ACTR3C: variants seen among roughly 807,000 people sequenced by gnomAD.
ACTR3C encodes actin-related protein 3C.
Under a neutral mutation model 26.3 loss-of-function variants are expected in ACTR3C, and 18 were observed. The observed-to-expected ratio is 0.68, with a 90% CI of 0.47 to 1.01. ACTR3C has a LOEUF of 1.01. Ranked by LOEUF, ACTR3C falls within the 50% of genes least tolerant of loss-of-function variation. The pLI, the probability that ACTR3C is intolerant of heterozygous loss-of-function variation, is 0.00. For missense variants in ACTR3C, 184 were observed against 250.7 expected, an observed-to-expected ratio of 0.73 and a Z score of 1.80; for synonymous variants, 55 against 94.5, an observed-to-expected ratio of 0.58 and a Z score of 2.42.
chr7:150,020,007 G>A, the ACTR3C span, among the ~76,000 whole-genome samples: 1 of 152,080 alleles, frequency 6.6e-6, no homozygotes, highest in Non-Finnish European at 1.5e-5. Context: ...TATTGAATAT[G>A]GTGTCTATGG....
At chr7:150,112,905 C>T in the ACTR3C span, among the ~76,000 whole-genome samples, 2 of 152,154 alleles carry the variant, frequency 1.3e-5, no homozygotes, top group Non-Finnish European at 2.9e-5. Flanking sequence ...GGCGACAAAG[C>T]ACCCCATGTA....
chr7:150,185,333 C>T, the ACTR3C span, among the ~76,000 whole-genome samples: 8 of 142,066 alleles, frequency 5.6e-5, no homozygotes, highest in Admixed American at 2.1e-4. Flanking sequence ...ATTCTCTGGG[C>T]GAAAGGGCCA....
At chr7:149,995,719 A>G in the ACTR3C span, among the ~76,000 whole-genome samples, 2 of 152,212 alleles carry the variant, frequency 1.3e-5, no homozygotes, top group Non-Finnish European at 2.9e-5. Context: ...AGATACAAAG[A>G]CCTGGAGACA....
At chr7:149,896,593 C>A in the ACTR3C span, among the ~76,000 whole-genome samples, 7 of 151,630 alleles carry the variant, frequency 4.6e-5, 1 homozygote, top group African/African-American at 1.7e-4. Context: ...ATATGTTTAT[C>A]CAGCAATTCC....
the ACTR3C span, among the ~76,000 whole-genome samples, chr7:149,937,947 G>A: frequency 6.6e-5 from 10 of 152,236 alleles, no homozygotes; most frequent in South Asian, 2.1e-3. Flanking sequence ...GTCCCAGCGG[G>A]GAATGGGAGG....
intron 6 of ACTR3C, among the ~76,000 whole-genome samples, chr7:150,258,546 C>T (rs1225225689): frequency 6.6e-6 from 1 of 152,176 alleles, no homozygotes; most frequent in Non-Finnish European, 1.5e-5. Flanking sequence ...AAGGTCATTT[C>T]TACAATCTCC....
chr7:150,205,098 C>T, the ACTR3C span, among the ~76,000 whole-genome samples: 1 of 151,980 alleles, frequency 6.6e-6, no homozygotes, highest in Non-Finnish European at 1.5e-5. Context: ...ATTTGTGATG[C>T]GAAAGAGCCA....
chr7:150,133,479 T>C, the ACTR3C span, among the ~76,000 whole-genome samples: 1 of 152,118 alleles, frequency 6.6e-6, no homozygotes, highest in Admixed American at 6.5e-5. Flanking sequence ...TGCAAGGCCA[T>C]CTCCTTCAGA....
chr7:150,148,416 G>T, the ACTR3C span, among the ~76,000 whole-genome samples: 1 of 152,126 alleles, frequency 6.6e-6, no homozygotes, highest in Admixed American at 6.5e-5. Flanking sequence ...GGCAGAGGTT[G>T]CAGTGAGCTG....
intron 3 of ACTR3C, among the ~76,000 whole-genome samples, chr7:150,290,337 G>A (rs527785393): frequency 6.6e-6 from 1 of 152,328 alleles, no homozygotes; most frequent in South Asian, 2.1e-4. Flanking sequence ...CCACAGCAAT[G>A]ATGGGCCCAA....
the ACTR3C span, among the ~76,000 whole-genome samples, chr7:150,068,458 T>C: frequency 6.6e-6 from 1 of 152,222 alleles, no homozygotes; most frequent in African/African-American, 2.4e-5. Flanking sequence ...TCAAATCAGA[T>C]ATCCAATTTT....
the ACTR3C span, among the ~76,000 whole-genome samples, chr7:150,035,734 T>C: frequency 1.4e-5 from 2 of 138,288 alleles, 1 homozygote; most frequent in African/African-American, 5.3e-5. Flanking sequence ...GGTCTGGCTC[T>C]CAGTCCCCGC....
At chr7:149,896,826 G>A in the ACTR3C span, among the ~76,000 whole-genome samples, 1 of 151,856 alleles carries the variant, frequency 6.6e-6, no homozygotes, top group Non-Finnish European at 1.5e-5. Flanking sequence ...TTAGGAGGTC[G>A]AGGCGGGTAG....
intron 6 of ACTR3C, among the ~76,000 whole-genome samples, chr7:150,265,710 A>C (rs1833988092): frequency 6.6e-6 from 1 of 152,128 alleles, no homozygotes; most frequent in Non-Finnish European, 1.5e-5. Context: ...ATAATTTTTT[A>C]ATTTAGAAAG....
At chr7:150,179,126 A>G in the ACTR3C span, among the ~76,000 whole-genome samples, 1 of 145,672 alleles carries the variant, frequency 6.9e-6, no homozygotes, top group African/African-American at 2.8e-5. Context: ...CATTGACTAT[A>G]TTGAGGTTTT....
At chr7:150,123,872 C>T in the ACTR3C span, among the ~76,000 whole-genome samples, 5 of 152,146 alleles carry the variant, frequency 3.3e-5, no homozygotes, top group African/African-American at 9.7e-5. Context: ...TGGCTCACCC[C>T]GACCCTGAGG....
At chr7:149,911,923 C>A in the ACTR3C span, among the ~76,000 whole-genome samples, 2 of 151,354 alleles carry the variant, frequency 1.3e-5, no homozygotes, top group Non-Finnish European at 2.9e-5. Context: ...GGCAAGAGGA[C>A]CCGTTAAGCC....
the ACTR3C span, among the ~76,000 whole-genome samples, chr7:149,886,081 C>T: frequency 0.63 from 95,867 of 152,158 alleles, 30,796 homozygotes; most frequent in African/African-American, 0.75. Flanking sequence ...CTAAAGTGCT[C>T]AACTGGTCGA....
At position 150,284,776 on chromosome 7, in the gene ACTR3C, C is replaced by T. The variant is rs369988101; in HGVS notation, c.541G>A (p.Asp181Asn). 15 of 1,612,854 alleles carry T rather than the reference C, an allele frequency of 9.3e-6. No homozygotes were observed. In the African/African-American group the frequency reaches 1.6e-4, roughly 17 times the overall value. Reference protein sequence around the residue: ...VDEVIQNCPIDVRRPLYKMEQ... With the variant: ...VDEVIQNCPINVRRPLYKMEQ... ...ACCTTATACAGCGGACGCCGCACAT[C>T]GATGGGGCAGTTCTGTATTACTTCA... is the stretch of plus-strand genomic sequence containing the variant. The change falls in exon 6 of 8, where the codon GAT (aspartate) becomes AAT (asparagine). Residue 181 changes from aspartate to asparagine, a missense_variant. By Grantham distance (23) the Asp-to-Asn change is conservative (BLOSUM62 1). Coordinates refer to ENST00000683684, the MANE Select transcript of ACTR3C (RefSeq NM_001164458.2).
Sources: gnomAD v4.1 joint callset for allele counts (sites outside exome capture counted in the v4.1 genomes callset) on GRCh38, gnomAD v4.1.1 for gene constraint, MANE v1.5 for transcripts, NCBI Gene and HGNC (gene_info 2026-07-23, HGNC 2026-07-21) for gene names.